Variants in SI observed in about 807,000 individuals in gnomAD.
The protein encoded by SI is sucrase-isomaltase, also known as sucrase-isomaltase, intestinal.
SI carries 235 observed loss-of-function variants against 253.3 expected under a neutral mutation model. The ratio of observed to expected loss-of-function variants is 0.93; its 90% CI spans 0.83 to 1.03. The LOEUF (loss-of-function observed/expected upper bound fraction) is 1.03. SI is among the 50% of genes least tolerant of loss of function. SI has a pLI of 0.00. For synonymous variants in SI, 819 were observed against 712.0 expected (o/e 1.15, Z -2.39); for missense variants, 2,442 against 2,211.1 (o/e 1.10, Z -2.09).
chr3:164,991,186 C>G (rs1016768363), intron 44 of SI, among the ~76,000 whole-genome samples, 167 bp downstream of exon 44: 1 of 152,124 alleles, frequency 6.6e-6, no homozygotes, highest in Non-Finnish European at 1.5e-5. Flanking sequence ...TCTTGCTATG[C>G]TATAAACCAC....
rs894890688 is a variant in SI at position 165,045,979 on chromosome 3, G to A, written c.1887+862C>T. On this transcript the variant is annotated intron_variant, in intron 16 of 47. Transcript: ENST00000264382. ...TTCCCAAGTAGCTGGGACTACAGGT[G>A]CCTGCCATCATGCCCGTCTTTTGGT... Among the ~76,000 whole-genome samples the A allele has an allele frequency of 6.6e-5, 10 of 151,116 alleles. No individual in the cohort carries two copies. The East Asian group carries it at 2.0e-3, about 30-fold the overall frequency.
chr3:165,018,060 G>T lies in SI; in HGVS notation c.3430C>A (p.Leu1144Ile). The change falls in exon 29 of 48, where the codon CTT becomes ATT. Residue 1144 changes from leucine (L) to isoleucine (I), a missense_variant. By Grantham distance (5) the Leu-to-Ile change is conservative. Coordinates refer to ENST00000264382, the MANE Select transcript of SI (RefSeq NM_001041.4). Reference protein sequence around the residue: ...FTRDQPPGYKLNSYGFHPYYM... With the variant: ...FTRDQPPGYKINSYGFHPYYM... ...TAGGGATGAAATCCATAGGAATTAA[G>T]TTTGTACTGAAATACGAAAAATAAG... The T allele has an allele frequency of 6.3e-7, 1 of 1,584,456 alleles. No individual in the cohort carries two copies. Among genetic ancestry groups the T allele is most frequent in the Non-Finnish European group, 8.7e-7 (1 of 1,153,436 alleles).
At chr3:165,076,547 A>G (rs1471998956) in intron 1 of SI, among the ~76,000 whole-genome samples, 1 of 151,732 alleles carries the variant, frequency 6.6e-6, no homozygotes, top group African/African-American at 2.4e-5. Flanking sequence ...TACTTTCCAC[A>G]ATATTGTCGA....
intron 13 of SI, among the ~76,000 whole-genome samples, chr3:165,050,328 A>C (rs952294769): frequency 5.9e-5 from 9 of 152,116 alleles, no homozygotes; most frequent in Non-Finnish European, 1.3e-4. Context: ...TAAAAGAATG[A>C]AAGCTGTAAA....
chr3:165,088,821 A>G, the SI span, among the ~76,000 whole-genome samples: 4 of 152,174 alleles, frequency 2.6e-5, no homozygotes, highest in Non-Finnish European at 4.4e-5. Flanking sequence ...AGAAAAACAT[A>G]TTAAGAAAAT....
At chr3:165,022,047 T>G (rs1049665104) in intron 26 of SI, among the ~76,000 whole-genome samples, 1 of 151,622 alleles carries the variant, frequency 6.6e-6, no homozygotes, top group African/African-American at 2.4e-5. Flanking sequence ...TACTTTAAAC[T>G]GCATTTTGCT....
upstream of SI, among the ~76,000 whole-genome samples, chr3:165,080,633 T>G (rs887391244): frequency 6.6e-6 from 1 of 152,024 alleles, no homozygotes; most frequent in African/African-American, 2.4e-5. Flanking sequence ...ACCATCATTC[T>G]CAGCCAACTA....
intron 5 of SI, 54 bp from the exon 6 acceptor site, chr3:165,067,545 T>C (rs1302913725): frequency 1.4e-6 from 2 of 1,444,540 alleles, no homozygotes; most frequent in Non-Finnish European, 1.9e-6. Flanking sequence ...TTATTTAATA[T>C]TCCAGTTCTG....
At chr3:165,022,904 A>C (rs1711702311) in intron 26 of SI, among the ~76,000 whole-genome samples, 1 of 151,634 alleles carries the variant, frequency 6.6e-6, no homozygotes, top group African/African-American at 2.4e-5. Flanking sequence ...ATTTTAAAAT[A>C]CTTAATATGA....
At chr3:165,050,370 A>G (rs1283068092) in intron 13 of SI, among the ~76,000 whole-genome samples, 1 of 152,144 alleles carries the variant, frequency 6.6e-6, no homozygotes. Flanking sequence ...TTTAATTAAA[A>G]TAGTTATGGC....
chr3:165,045,091 G>A (rs893265351), intron 16 of SI, among the ~76,000 whole-genome samples: 1 of 152,018 alleles, frequency 6.6e-6, no homozygotes, highest in Non-Finnish European at 1.5e-5. Flanking sequence ...CCACAGTCCA[G>A]TATCATTGTG....
chr3:165,018,306 A>T (rs1719142393), intron 28 of SI, among the ~76,000 whole-genome samples: 1 of 150,746 alleles, frequency 6.6e-6, no homozygotes, highest in Non-Finnish European at 1.5e-5. Context: ...AATAGAAATT[A>T]ATATACAAAT....
rs1718602924 is a variant in SI at position 165,008,109 on chromosome 3, TA to T, written c.4180-112del. On this transcript the variant is annotated intron_variant, in intron 35 of 47. Transcript: ENST00000264382. ...GTTAACATATTTGAACAATGTTATA[TA>T]TACTCACTATTCTAAACAAACAAAA... The T allele has an allele frequency of 1.9e-5, 11 of 578,176 alleles. No individual in the cohort carries two copies. The South Asian group carries it at 2.1e-4, about 11-fold the overall frequency. 35.8% of individuals were successfully genotyped at this position (578,176 alleles called of 1,614,324 possible). A position where few individuals can be genotyped will look rare whatever the true frequency, so the allele number is the denominator to read the frequency against.
chr3:164,994,857 T>C (rs1173347808), intron 40 of SI, among the ~76,000 whole-genome samples: 1 of 151,490 alleles, frequency 6.6e-6, no homozygotes, highest in Non-Finnish European at 1.5e-5. Flanking sequence ...TACTAAAGAA[T>C]ACTAAAGAAT....
In SI at chr3:165,023,765, T is replaced by G; in HGVS notation, c.2904A>C (p.Leu968=). ...RGCVWRTGSS[L]SKAPECYFPR... The stretch of plus-strand genomic sequence containing the variant: ...GAAAGTAACACTCAGGTGCTTTGGA[T>G]AGAGAAGAACCCTAAAAACACAATG... The change falls in exon 26 of 48, where the codon CTA becomes CTC. Residue 968 remains leucine, a synonymous_variant. Transcript: ENST00000264382. 6.2e-7 allele frequency: 1 copy of G among 1,609,464 alleles called. No homozygotes were observed.
intron 26 of SI, among the ~76,000 whole-genome samples, chr3:165,022,126 A>T (rs1042446489): frequency 6.6e-6 from 1 of 151,310 alleles, no homozygotes; most frequent in Non-Finnish European, 1.5e-5. Flanking sequence ...TTCTTATGAG[A>T]GGTCTTGATA....
chr3:165,060,638 T>C (rs1413028294), intron 9 of SI, among the ~76,000 whole-genome samples: 1 of 151,532 alleles, frequency 6.6e-6, no homozygotes, highest in African/African-American at 2.4e-5. Context: ...ATTTCTGTAA[T>C]GGCCCAGGCA....
At chr3:164,985,950 T>C (rs532963818) in intron 45 of SI, among the ~76,000 whole-genome samples, 1 of 152,266 alleles carries the variant, frequency 6.6e-6, no homozygotes, top group Admixed American at 6.5e-5. Context: ...AAGTTTAGTA[T>C]GGTCTTGAGG....
rs1221816681 is a variant in SI at position 165,032,600 on chromosome 3, ACTGT to A, written c.2654_2657del (p.Asp885ValfsTer14). The A allele has an allele frequency of 2.5e-6, 4 of 1,608,936 alleles. No homozygotes were observed. The highest frequency in any genetic ancestry group is 3.4e-6 in the Non-Finnish European group (4 of 1,176,636). Reference sequence around the variant, plus strand: ...TTTCCGCCACTCTAACTTCTGTAACACTGTCTGTCAACCCAAGGATTTTTACAGT... The same window carrying A: ...TTTCCGCCACTCTAACTTCTGTAACACTGTCAACCCAAGGATTTTTACAGT... On this transcript the variant is annotated frameshift_variant, in exon 24 of 48. Coordinates refer to ENST00000264382, the MANE Select transcript of SI (RefSeq NM_001041.4). LOFTEE classifies it high-confidence loss of function.
Sources: allele counts gnomAD v4.1 joint callset (sites outside exome capture counted in the v4.1 genomes callset), GRCh38; gene constraint gnomAD v4.1.1; transcripts MANE v1.5; gene names NCBI Gene and HGNC (gene_info 2026-07-23, HGNC 2026-07-21).